Variants in ZFYVE9 observed in about 807,000 individuals in gnomAD.
ZFYVE9 encodes zinc finger FYVE domain-containing protein 9.
A neutral mutation model predicts 126.7 loss-of-function variants in ZFYVE9; 43 were observed. The ratio of observed to expected loss-of-function variants is 0.34; its 90% CI spans 0.27 to 0.44. The LOEUF is 0.44. Among genes scored for constraint, ZFYVE9 ranks in the 20% least tolerant of loss-of-function variants. ZFYVE9 has a pLI of 1.00. For missense variants in ZFYVE9, 1,476 were observed against 1,697.0 expected, an observed-to-expected ratio of 0.87 and a Z score of 2.29; for synonymous variants, 521 against 597.4, an observed-to-expected ratio of 0.87 and a Z score of 1.87.
intron 4 of ZFYVE9, among the ~76,000 whole-genome samples, chr1:52,245,261 GAAAA>G (rs913087182): frequency 1.5e-5 from 2 of 135,574 alleles, no homozygotes; most frequent in Non-Finnish European, 3.2e-5. Context: ...GAAGCAAAAA[GAAAA>G]AAAAAAAGGA....
At chr1:52,226,067 T>G (rs897017484) in intron 2 of ZFYVE9, among the ~76,000 whole-genome samples, 104 of 152,304 alleles carry the variant, frequency 6.8e-4, no homozygotes, top group African/African-American at 2.3e-3. Context: ...GCTCACAGAT[T>G]GGTTCGATCA....
chr1:52,259,442 A>G (rs935974316), intron 4 of ZFYVE9, among the ~76,000 whole-genome samples: 1 of 152,136 alleles, frequency 6.6e-6, no homozygotes, highest in African/African-American at 2.4e-5. Context: ...ACTAATCAAA[A>G]TAAAATAAAA....
chr1:52,221,945 A>G lies in ZFYVE9; in HGVS notation c.-37+5471A>G, dbSNP rs543167199. On this transcript the variant is annotated intron_variant, in intron 2 of 18. Transcript: ENST00000287727. ...GTTAATCCACAGATGACAATATCCA[A>G]CCAATCCTGAGAATTTCCTAAGTTC... is the stretch of plus-strand genomic sequence containing the variant. 7.9e-5 allele frequency among the ~76,000 whole-genome samples: 12 copies of G among 152,296 alleles called. No homozygotes were observed. The South Asian group carries it at 1.9e-3, about 24-fold the overall frequency.
At chr1:52,253,843 A>G (rs1201205096) in intron 4 of ZFYVE9, 2 of 1,405,780 alleles carry the variant, frequency 1.4e-6, no homozygotes. Flanking sequence ...AACAACAGTT[A>G]AGACATTATA....
chr1:52,209,032 T>G (rs1448007616), intron 1 of ZFYVE9, among the ~76,000 whole-genome samples: 1 of 152,188 alleles, frequency 6.6e-6, no homozygotes, highest in African/African-American at 2.4e-5. Context: ...ATCCATGGTA[T>G]CATACACTAG....
At chr1:52,259,596 T>C (rs1373877023) in intron 4 of ZFYVE9, among the ~76,000 whole-genome samples, 1 of 143,110 alleles carries the variant, frequency 7.0e-6, no homozygotes, top group African/African-American at 2.6e-5. Flanking sequence ...GAGACCAGCC[T>C]GGCCAACATG....
chr1:52,143,400 G>T (rs1457864972), intron 1 of ZFYVE9, among the ~76,000 whole-genome samples: 1 of 152,154 alleles, frequency 6.6e-6, no homozygotes, highest in East Asian at 1.9e-4. Context: ...GTGATTACAG[G>T]TTATTCTTGT....
intron 8 of ZFYVE9, 97 bp from the exon 9 acceptor site, chr1:52,278,395 G>A: frequency 6.7e-7 from 1 of 1,488,064 alleles, no homozygotes; most frequent in South Asian, 1.1e-5. Flanking sequence ...TCAAATGCAT[G>A]TCTCTTTTCT....
chr1:52,331,870 C>T (rs1394927657), intron 13 of ZFYVE9, among the ~76,000 whole-genome samples: 20 of 150,984 alleles, frequency 1.3e-4, no homozygotes, highest in Admixed American at 1.1e-3. Flanking sequence ...GCTCCGCCTC[C>T]CGGGTTCATG....
intron 2 of ZFYVE9, among the ~76,000 whole-genome samples, chr1:52,225,454 G>A (rs144653668): frequency 7.8e-4 from 119 of 152,316 alleles, no homozygotes; most frequent in Non-Finnish European, 1.3e-3. Context: ...CTGCCGAAGG[G>A]TGCTGCTTAT....
chr1:52,236,562 T>G (rs956167829), intron 3 of ZFYVE9, among the ~76,000 whole-genome samples: 13 of 152,326 alleles, frequency 8.5e-5, no homozygotes, highest in African/African-American at 3.1e-4. Context: ...ACATATGCAG[T>G]AGCCCTATAA....
At chr1:52,224,430 G>A (rs979795611) in intron 2 of ZFYVE9, among the ~76,000 whole-genome samples, 5 of 152,142 alleles carry the variant, frequency 3.3e-5, no homozygotes, top group African/African-American at 9.7e-5. Context: ...GGTCGTCTTT[G>A]GGAGGTATTG....
At chr1:52,281,891 A>T in intron 10 of ZFYVE9, 75 bp downstream of exon 10, 1 of 1,553,058 alleles carries the variant, frequency 6.4e-7, no homozygotes, top group Non-Finnish European at 8.8e-7. Context: ...ACAAAATAAT[A>T]GTCTTAACTT....
In ZFYVE9 at chr1:52,158,456, A is replaced by G. The variant is rs1298015496; in HGVS notation, c.-143+16053A>G. ...GTGCTGCTGCGCAGCAGGGAGTGCT[A>G]ACTCATCCCTGAAGACTCAGAGTTC... On this transcript the variant is annotated intron_variant, in intron 1 of 18. Transcript: ENST00000287727. Among the ~76,000 whole-genome samples the G allele has an allele frequency of 2.6e-5, 4 of 152,302 alleles. No individual in the cohort carries two copies. In the East Asian group the frequency reaches 7.7e-4, roughly 29 times the overall value.
chr1:52,149,669 A>AT (rs1644336362), intron 1 of ZFYVE9, among the ~76,000 whole-genome samples: 2 of 152,100 alleles, frequency 1.3e-5, no homozygotes, highest in Non-Finnish European at 2.9e-5. Context: ...TAATTTTTGT[A>AT]TTTTTAGTAG....
At chr1:52,300,569 C>T (rs998090097) in intron 12 of ZFYVE9, among the ~76,000 whole-genome samples, 4 of 150,458 alleles carry the variant, frequency 2.7e-5, no homozygotes, top group Non-Finnish European at 5.9e-5. Flanking sequence ...CCAGCCTGGG[C>T]GACAGAGTAA....
chr1:52,282,950 A>G (rs1012619566), intron 10 of ZFYVE9, among the ~76,000 whole-genome samples: 3 of 152,238 alleles, frequency 2.0e-5, no homozygotes, highest in Non-Finnish European at 4.4e-5. Flanking sequence ...GATTATGCGT[A>G]AAAGATTGTG....
chr1:52,193,798 G>A (rs1341928765), intron 1 of ZFYVE9, among the ~76,000 whole-genome samples: 4 of 146,930 alleles, frequency 2.7e-5, no homozygotes, highest in Non-Finnish European at 4.5e-5. Context: ...AAACACACAC[G>A]CACGCGCGCA....
intron 15 of ZFYVE9, among the ~76,000 whole-genome samples, chr1:52,335,860 G>A (rs1332156913): frequency 6.6e-6 from 1 of 152,124 alleles, no homozygotes; most frequent in Non-Finnish European, 1.5e-5. Context: ...TAGGCCGGGT[G>A]CGGTGGCTCA....
Sources: allele counts gnomAD v4.1 joint callset (sites outside exome capture counted in the v4.1 genomes callset), GRCh38; gene constraint gnomAD v4.1.1; transcripts MANE v1.5; gene names NCBI Gene and HGNC (gene_info 2026-07-23, HGNC 2026-07-21).